Variants in PACSIN2 observed in about 807,000 individuals in gnomAD.
The protein encoded by PACSIN2 is protein kinase C and casein kinase substrate in neurons 2, also known as protein kinase C and casein kinase substrate in neurons protein 2.
Under a neutral mutation model 63.8 loss-of-function variants are expected in PACSIN2, and 25 were observed. The observed-to-expected ratio is 0.39, with a 90% CI of 0.29 to 0.55. The LOEUF (loss-of-function observed/expected upper bound fraction) is 0.55, where lower values mean the gene tolerates loss of function less well. PACSIN2 is among the 20% of genes least tolerant of loss of function. PACSIN2 has a pLI of 0.62. For synonymous variants in PACSIN2, 255 were observed against 256.2 expected (o/e 1.00, Z 0.05); for missense variants, 518 against 646.9 (o/e 0.80, Z 2.16).
chr22:42,903,684 G>C (rs2413734), intron 2 of PACSIN2, among the ~76,000 whole-genome samples: 144,067 of 152,264 alleles, frequency 0.95, 68,250 homozygotes, highest in Middle Eastern at 1. Context: ...ACTGGGGCTC[G>C]CCATCTGCAA....
chr22:42,906,420 C>T (rs1179506102), intron 2 of PACSIN2, among the ~76,000 whole-genome samples: 1 of 152,190 alleles, frequency 6.6e-6, no homozygotes, highest in Non-Finnish European at 1.5e-5. Flanking sequence ...CTGTGAAAAC[C>T]ACCCATTTAA....
rs67845012 is a variant in PACSIN2 at position 42,910,909 on chromosome 22, A to ATTT, written c.60+1109_60+1111dup. 6.6e-3 allele frequency among the ~76,000 whole-genome samples: 972 copies of ATTT among 146,994 alleles called. 10 individuals are homozygous for ATTT. Among genetic ancestry groups the ATTT allele is most frequent in the African/African-American group, 0.022 (901 of 40,382 alleles). Reference sequence around the variant, plus strand: ...ACTACAGGTACTCAGTTAACACATAATTTTTTTTTTTTTGAGACGGAGTCT... The same window carrying ATTT: ...ACTACAGGTACTCAGTTAACACATAATTTTTTTTTTTTTTTTGAGACGGAGTCT... On this transcript the variant is annotated intron_variant, in intron 2 of 10. Transcript: ENST00000263246.
intron 1 of PACSIN2, among the ~76,000 whole-genome samples, chr22:42,949,784 C>T (rs1322344385): frequency 6.6e-6 from 1 of 152,072 alleles, no homozygotes; most frequent in Non-Finnish European, 1.5e-5. Context: ...CAAGACATAG[C>T]CTGTGTCCCA....
At position 42,882,191 on chromosome 22, in the gene PACSIN2, T is replaced by C. The variant is rs906250858; in HGVS notation, c.899A>G (p.Gln300Arg). Residue 300 changes from glutamine to arginine, a missense_variant, in exon 7 of 11, where the codon CAG becomes CGG. Physicochemically the swap from Gln to Arg is conservative, Grantham distance 43. Transcript: ENST00000263246. ...GGCACACCCTCCTCTTACCTCAAAC[T>C]GCGGCCAGTTCATGGCCATGCCCGG... ...HGPGMAMNWP[Q>R]FEEWSADLNR... The C allele has an allele frequency of 6.2e-7, 1 of 1,614,068 alleles. No homozygotes were observed. Among genetic ancestry groups the C allele is most frequent in the South Asian group, 1.1e-5 (1 of 91,086 alleles).
chr22:42,938,937 C>T lies in PACSIN2; in HGVS notation c.-77-26780G>A, dbSNP rs141206555. 1.1e-4 allele frequency among the ~76,000 whole-genome samples: 16 copies of T among 152,228 alleles called. No individual in the cohort carries two copies. The East Asian group carries it at 3.1e-3, about 29-fold the overall frequency. On this transcript the variant is annotated intron_variant, in intron 1 of 10. Transcript: ENST00000263246. The stretch of plus-strand genomic sequence containing the variant: ...TTCATATAGTAACCCTTAAAATAAC[C>T]ATGTTTTCCCCAACATCTTTATAGG...
chr22:42,903,476 C>T (rs989271186), intron 2 of PACSIN2, among the ~76,000 whole-genome samples: 1 of 152,098 alleles, frequency 6.6e-6, no homozygotes, highest in African/African-American at 2.4e-5. Flanking sequence ...CCATCTAGTC[C>T]GTGCCTTGCT....
intron 1 of PACSIN2, among the ~76,000 whole-genome samples, chr22:42,994,930 A>G (rs887973248): frequency 1.7e-4 from 26 of 152,146 alleles, no homozygotes; most frequent in South Asian, 8.3e-4. Context: ...CCCAAGCCCC[A>G]GTCTCTGTCT....
intron 1 of PACSIN2, among the ~76,000 whole-genome samples, chr22:42,958,220 G>A (rs532299978): frequency 7.2e-5 from 11 of 152,018 alleles, no homozygotes; most frequent in African/African-American, 2.2e-4. Flanking sequence ...GGCTACCAAC[G>A]AGACGAGTGA....
At chr22:42,873,381 C>CA (rs950202680) in intron 10 of PACSIN2, among the ~76,000 whole-genome samples, 14 of 151,882 alleles carry the variant, frequency 9.2e-5, no homozygotes, top group South Asian at 2.1e-4. Context: ...AAAAAAAATC[C>CA]AAAAAAACAA....
intron 1 of PACSIN2, among the ~76,000 whole-genome samples, chr22:43,012,903 C>G (rs1924597624): frequency 6.6e-6 from 1 of 152,208 alleles, no homozygotes; most frequent in Non-Finnish European, 1.5e-5. Flanking sequence ...ATCCGCCCGC[C>G]TCTGCCTCCC....
intron 8 of PACSIN2, 38 bp from the exon 9 acceptor site, chr22:42,877,048 G>A (rs373885728): frequency 1.1e-4 from 176 of 1,610,968 alleles, no homozygotes; most frequent in Middle Eastern, 4.9e-4. Context: ...TCCCAGCTCT[G>A]CAGGGGCCCG....
At chr22:43,012,086 A>C (rs1329704482) in intron 1 of PACSIN2, among the ~76,000 whole-genome samples, 1 of 151,968 alleles carries the variant, frequency 6.6e-6, no homozygotes. Context: ...CAGAGGTTAC[A>C]GTGAGCTGAG....
Position 42,977,960 on chromosome 22 carries a change from G to A in PACSIN2, c.-78+37061C>T, listed in dbSNP as rs570794204. On this transcript the variant is annotated intron_variant, in intron 1 of 10. Coordinates refer to ENST00000263246, the MANE Select transcript of PACSIN2 (RefSeq NM_001184970.3). ...TGGTTCTTTATAGCAATGTGAGAAC[G>A]AACTAATACAGGGGTACTCATACAT... 1.7e-4 allele frequency among the ~76,000 whole-genome samples: 26 copies of A among 152,202 alleles called. No individual in the cohort carries two copies. In the South Asian group the frequency reaches 2.3e-3, roughly 13 times the overall value.
At chr22:42,938,692 C>T (rs557276584) in intron 1 of PACSIN2, among the ~76,000 whole-genome samples, 2 of 152,298 alleles carry the variant, frequency 1.3e-5, no homozygotes, top group South Asian at 2.1e-4. Flanking sequence ...GTGTGCTACC[C>T]GTGCCTGGCT....
At chr22:42,940,598 C>G (rs1265260755) in intron 1 of PACSIN2, among the ~76,000 whole-genome samples, 1 of 152,234 alleles carries the variant, frequency 6.6e-6, no homozygotes, top group Non-Finnish European at 1.5e-5. Context: ...CCCTCACTAG[C>G]ATGCTGGAGA....
Position 42,871,499 on chromosome 22 carries a change from G to T in PACSIN2, c.1349-30C>A. ...AAGACAAAGAGGGAGCCGTCTCCAT[G>T]AGAGGTATGACACCGACGGTGGGCT... On this transcript the variant is annotated intron_variant, in intron 10 of 10. Coordinates refer to ENST00000263246, the MANE Select transcript of PACSIN2 (RefSeq NM_001184970.3). The surrounding 1 kb of genome is among the most constrained non-coding windows in gnomAD (Gnocchi z 5.4). 1 of 1,532,336 alleles carries T rather than the reference G, an allele frequency of 6.5e-7. No individual in the cohort carries two copies. 94.9% of individuals were successfully genotyped at this position (1,532,336 alleles called of 1,614,324 possible).
At chr22:43,014,179 T>G (rs971048871) in intron 1 of PACSIN2, among the ~76,000 whole-genome samples, 4 of 151,480 alleles carry the variant, frequency 2.6e-5, no homozygotes, top group African/African-American at 9.8e-5. Flanking sequence ...TTGAAAGCCC[T>G]AGAGGAGTAA....
intron 1 of PACSIN2, among the ~76,000 whole-genome samples, chr22:42,965,271 G>A (rs2146857107): frequency 6.6e-6 from 1 of 152,300 alleles, no homozygotes; most frequent in Non-Finnish European, 1.5e-5. Context: ...AGGGCCAGGG[G>A]GCAGGGTGGG....
intron 1 of PACSIN2, among the ~76,000 whole-genome samples, chr22:42,974,682 G>A (rs1921559080): frequency 6.6e-6 from 1 of 151,326 alleles, no homozygotes; most frequent in African/African-American, 2.4e-5. Flanking sequence ...CTGGGAGGTG[G>A]AGGTTGCAGT....
Sources: allele counts gnomAD v4.1 joint callset (sites outside exome capture counted in the v4.1 genomes callset), GRCh38; gene constraint gnomAD v4.1.1; non-coding constraint Gnocchi (gnomAD v3.1); transcripts MANE v1.5; gene names NCBI Gene and HGNC (gene_info 2026-07-23, HGNC 2026-07-21).